RPGRIP1L: variants seen among roughly 807,000 people sequenced by gnomAD.
RPGRIP1L encodes RPGRIP1 like.
RPGRIP1L carries 131 observed loss-of-function variants against 160.4 expected under a neutral mutation model. The ratio of observed to expected loss-of-function variants is 0.82; its 90% CI spans 0.71 to 0.94. The LOEUF (loss-of-function observed/expected upper bound fraction) is 0.94, where lower values mean the gene tolerates loss of function less well. Ranked by LOEUF, RPGRIP1L falls within the 40% of genes least tolerant of loss-of-function variation. The pLI, the probability that RPGRIP1L is intolerant of heterozygous loss-of-function variation, is 0.00. For synonymous variants in RPGRIP1L, 510 were observed against 515.8 expected (o/e 0.99, Z 0.15); for missense variants, 1,522 against 1,535.8 (o/e 0.99, Z 0.15).
At chr16:53,630,179 G>C (rs1487205168) in intron 22 of RPGRIP1L, among the ~76,000 whole-genome samples, 1 of 152,080 alleles carries the variant, frequency 6.6e-6, no homozygotes, top group Non-Finnish European at 1.5e-5. Context: ...AGAGTAGCTA[G>C]GACTACAAGC....
chr16:53,648,103 CAAAAAAAAAAAA>C (rs781122239), intron 16 of RPGRIP1L, among the ~76,000 whole-genome samples: 5 of 39,138 alleles, frequency 1.3e-4, no homozygotes, highest in Non-Finnish European at 2.1e-4. Flanking sequence ...GACTCCGTCT[CAAAAAAAAAAAA>C]AAAAAAAAAA....
chr16:53,625,619 A>T (rs1598264263), intron 22 of RPGRIP1L, among the ~76,000 whole-genome samples: 1 of 149,796 alleles, frequency 6.7e-6, no homozygotes, highest in Non-Finnish European at 1.5e-5. Context: ...CCCTCTGCCC[A>T]GCCGCCACCC....
intron 10 of RPGRIP1L, among the ~76,000 whole-genome samples, chr16:53,663,803 G>C (rs1968010539): frequency 6.6e-6 from 1 of 152,042 alleles, no homozygotes; most frequent in South Asian, 2.1e-4. Flanking sequence ...TTGATTATGT[G>C]TTCCAATTTC....
At position 53,703,803 on chromosome 16, in the gene RPGRIP1L, C is replaced by T. The variant is rs1020579838; in HGVS notation, c.-8G>A. On this transcript the variant is annotated splice_region_variant and 5_prime_UTR_variant, in exon 1 of 27. Coordinates refer to ENST00000647211, the MANE Select transcript of RPGRIP1L (RefSeq NM_015272.5). ...CTCCCCCATCCTCCCGGGTACTCAC[C>T]GTGCCACTGGCCCTGCAGCTAGCTA... The T allele has an allele frequency of 1.3e-5, 5 of 387,346 alleles. No individual in the cohort carries two copies. Among genetic ancestry groups the T allele is most frequent in the South Asian group, 1.2e-4 (5 of 42,272 alleles). 24.0% of individuals were successfully genotyped at this position (387,346 alleles called of 1,614,324 possible).
chr16:53,625,903 C>T (rs997582186), intron 22 of RPGRIP1L, among the ~76,000 whole-genome samples: 20 of 151,780 alleles, frequency 1.3e-4, no homozygotes, highest in Non-Finnish European at 2.1e-4. Flanking sequence ...GGATTAAGGG[C>T]GGTGCAAGAT....
intron 7 of RPGRIP1L, 129 bp downstream of exon 7, chr16:53,674,888 T>G (rs964176850): frequency 1.7e-5 from 11 of 650,866 alleles, no homozygotes; most frequent in Non-Finnish European, 3.0e-5. Flanking sequence ...CATTTGTGAA[T>G]ACAAAGAACA....
At position 53,641,292 on chromosome 16, in the gene RPGRIP1L, A is replaced by G. The variant is rs1161014573; in HGVS notation, c.2867T>C (p.Leu956Pro). 3 of 1,613,714 alleles carry G rather than the reference A, an allele frequency of 1.9e-6. No homozygotes were observed. Among genetic ancestry groups the G allele is most frequent in the African/African-American group, 1.3e-5 (1 of 74,926 alleles). Residue 956 changes from leucine to proline, a missense_variant, in exon 18 of 27, where the codon CTA (leucine) becomes CCA (proline). By Grantham distance (98) the Leu-to-Pro change is moderately conservative (BLOSUM62 -3). Transcript: ENST00000647211. The part of the protein sequence containing the change: ...RLPPASSVST[L>P]VLAPRPKPRQ... ...AAAGTCACTGATACTCACTAAAACT[A>G]GTGTGCTAACAGAGGATGCTGGAGG... is the stretch of plus-strand genomic sequence containing the variant.
chr16:53,615,727 G>C (rs1055256662), intron 24 of RPGRIP1L, among the ~76,000 whole-genome samples: 1 of 151,624 alleles, frequency 6.6e-6, no homozygotes, highest in African/African-American at 2.4e-5. Flanking sequence ...GCCTCCCAAA[G>C]TGCTGGGATT....
rs577380077 is a variant in RPGRIP1L at position 53,599,192 on chromosome 16, A to G, written c.*2884T>C. The G allele has an allele frequency of 6.6e-6, 1 of 152,204 alleles. No homozygotes were observed. Among genetic ancestry groups the G allele is most frequent in the Non-Finnish European group, 1.5e-5 (1 of 68,034 alleles). The allele number at this position is 152,204 out of a possible 1,614,324, so 9.4% of individuals were successfully genotyped here. A position where few individuals can be genotyped will look rare whatever the true frequency, so the allele number is the denominator to read the frequency against. On this transcript the variant is annotated 3_prime_UTR_variant, in exon 27 of 27. Transcript: ENST00000647211. ...CATGTCTTCATAACACATAGAAATT[A>G]TTTGTGTTTTGTGGTAACGAATGAA...
At chr16:53,700,532 A>G (rs1380006456) in intron 2 of RPGRIP1L, 107 bp downstream of exon 2, 4 of 856,090 alleles carry the variant, frequency 4.7e-6, no homozygotes, top group Non-Finnish European at 7.8e-6. Context: ...ATCAAGGACT[A>G]TATAGTTACT....
In RPGRIP1L at chr16:53,669,942, T is replaced by C. The variant is rs546223831; in HGVS notation, c.1103+1568A>G. ...GCAATGCTGTGTGACTCTGCACAAG[T>C]CTTAATTTTTCTGGAATCCCAATTT... On this transcript the variant is annotated intron_variant, in intron 9 of 26. Transcript: ENST00000647211. Among the ~76,000 whole-genome samples, 190 of 152,278 alleles carry C rather than the reference T, an allele frequency of 1.2e-3. 1 individual carries two copies. Among genetic ancestry groups the C allele is most frequent in the African/African-American group, 4.2e-3 (176 of 41,582 alleles).
chr16:53,641,702 A>C (rs1966234281), intron 17 of RPGRIP1L, among the ~76,000 whole-genome samples: 1 of 152,342 alleles, frequency 6.6e-6, no homozygotes, highest in South Asian at 2.1e-4. Context: ...TCATCTCTCA[A>C]GTAGATCTCC....
chr16:53,645,582 G>C, intron 17 of RPGRIP1L, 43 bp downstream of exon 17: 1 of 1,577,204 alleles, frequency 6.3e-7, no homozygotes, highest in Non-Finnish European at 8.6e-7. Context: ...GTATAATTTT[G>C]TTTTGTTTTT....
chr16:53,656,639 T>C, intron 13 of RPGRIP1L, 50 bp from the exon 14 acceptor site: 1 of 1,275,956 alleles, frequency 7.8e-7, no homozygotes, highest in Non-Finnish European at 1.1e-6. Flanking sequence ...AGTTCTATTT[T>C]CATTATTCAA....
chr16:53,641,231 C>T (rs1966197503), intron 18 of RPGRIP1L, 54 bp downstream of exon 18: 1 of 1,566,858 alleles, frequency 6.4e-7, no homozygotes, highest in Non-Finnish European at 8.7e-7. Context: ...AGTTCTTAAG[C>T]TTTATATTCA....
chr16:53,632,352 G>C (rs1291957401), intron 22 of RPGRIP1L, among the ~76,000 whole-genome samples: 1 of 152,148 alleles, frequency 6.6e-6, no homozygotes, highest in African/African-American at 2.4e-5. Flanking sequence ...TTAAAAAGTA[G>C]GGATAACTAT....
chr16:53,610,940 T>C, intron 25 of RPGRIP1L, 27 bp downstream of exon 25: 2 of 1,499,618 alleles, frequency 1.3e-6, no homozygotes, highest in East Asian at 2.3e-5. Flanking sequence ...TGTAAACCAT[T>C]AGATTATTTG....
chr16:53,599,158 C>T lies in RPGRIP1L; in HGVS notation c.*2918G>A, dbSNP rs762893314. On this transcript the variant is annotated 3_prime_UTR_variant, in exon 27 of 27. Transcript: ENST00000647211. The stretch of plus-strand genomic sequence containing the variant: ...AACCTCTCCAATCACATGACCACTT[C>T]TCAGCCCACATGTCTTCATAACACA... 2.0e-5 allele frequency: 3 copies of T among 152,192 alleles called. No homozygotes were observed. Among genetic ancestry groups the T allele is most frequent in the Non-Finnish European group, 4.4e-5 (3 of 68,032 alleles). The allele number at this position is 152,192 out of a possible 1,614,324, so 9.4% of individuals were successfully genotyped here.
intron 24 of RPGRIP1L, among the ~76,000 whole-genome samples, chr16:53,616,315 A>T (rs1173978282): frequency 6.6e-6 from 1 of 152,216 alleles, no homozygotes; most frequent in Non-Finnish European, 1.5e-5. Context: ...TTACTTATTA[A>T]CCAAAGACTC....
Sources: gnomAD v4.1 joint callset for allele counts (sites outside exome capture counted in the v4.1 genomes callset) on GRCh38, gnomAD v4.1.1 for gene constraint, MANE v1.5 for transcripts, NCBI Gene and HGNC (gene_info 2026-07-23, HGNC 2026-07-21) for gene names.